The following SIPA1L1 variants were observed in gnomAD, a reference collection of about 807,000 sequenced individuals.
SIPA1L1 encodes the protein signal induced proliferation associated 1 like 1, also known as signal-induced proliferation-associated 1-like protein 1.
Under a neutral mutation model 162.7 loss-of-function variants are expected in SIPA1L1, and 26 were observed. That is an observed-to-expected ratio of 0.16 (90% confidence interval 0.12 to 0.22). SIPA1L1 has a LOEUF of 0.22. Ranked by LOEUF, SIPA1L1 falls within the 10% of genes least tolerant of loss-of-function variation. The pLI is 1.00. For missense variants in SIPA1L1, 1,874 were observed against 2,241.0 expected, an observed-to-expected ratio of 0.84 and a Z score of 3.31; for synonymous variants, 829 against 837.4, an observed-to-expected ratio of 0.99 and a Z score of 0.17.
chr14:71,639,735 C>A (rs543437412), intron 7 of SIPA1L1, among the ~76,000 whole-genome samples: 5 of 152,100 alleles, frequency 3.3e-5, no homozygotes, highest in Non-Finnish European at 5.9e-5. Context: ...ACATGTGGAT[C>A]GGTGGAACAG....
At chr14:71,519,338 G>A (rs548857672) in intron 3 of SIPA1L1, among the ~76,000 whole-genome samples, 1 of 152,192 alleles carries the variant, frequency 6.6e-6, no homozygotes, top group African/African-American at 2.4e-5. Context: ...TCCTATGGAT[G>A]TAGATATATG....
chr14:71,323,879 A>G (rs943793982), intron 2 of SIPA1L1, among the ~76,000 whole-genome samples: 30 of 152,308 alleles, frequency 2.0e-4, no homozygotes, highest in African/African-American at 6.7e-4. Flanking sequence ...ATTTTCTGGC[A>G]TGGAGTTATG....
chr14:71,611,515 TAA>T (rs888950565), intron 5 of SIPA1L1, among the ~76,000 whole-genome samples: 6 of 152,172 alleles, frequency 3.9e-5, no homozygotes, highest in Non-Finnish European at 8.8e-5. Context: ...ATCTAGGTTT[TAA>T]GCCCCATATG....
intron 2 of SIPA1L1, among the ~76,000 whole-genome samples, chr14:71,447,941 C>T (rs943525956): frequency 4.6e-5 from 7 of 152,088 alleles, no homozygotes; most frequent in African/African-American, 1.7e-4. Flanking sequence ...ACTAATGGCT[C>T]ATTGTGAAAG....
intron 13 of SIPA1L1, among the ~76,000 whole-genome samples, chr14:71,687,500 G>C (rs2080956688): frequency 6.6e-6 from 1 of 152,094 alleles, no homozygotes; most frequent in South Asian, 2.1e-4. Context: ...AGTGAAATTG[G>C]CTTTGTGTAA....
At chr14:71,491,812 A>ACGCACACACACACC (rs1555437349) in intron 2 of SIPA1L1, among the ~76,000 whole-genome samples, 2 of 115,986 alleles carry the variant, frequency 1.7e-5, no homozygotes, top group African/African-American at 6.7e-5. Flanking sequence ...ACACACACAC[A>ACGCACACACACACC]CCCCTTCCCC....
intron 13 of SIPA1L1, among the ~76,000 whole-genome samples, chr14:71,689,171 A>G (rs1373073926): frequency 6.6e-6 from 1 of 152,236 alleles, no homozygotes; most frequent in African/African-American, 2.4e-5. Flanking sequence ...ATGACATAAA[A>G]ATGTTGGTGT....
At chr14:71,557,611 C>G (rs559166426) in intron 4 of SIPA1L1, among the ~76,000 whole-genome samples, 1 of 151,936 alleles carries the variant, frequency 6.6e-6, no homozygotes, top group South Asian at 2.1e-4. Context: ...TGGATCGTTG[C>G]GAAAGTACCT....
intron 2 of SIPA1L1, among the ~76,000 whole-genome samples, chr14:71,351,643 A>T (rs1321353442): frequency 6.6e-6 from 1 of 152,176 alleles, no homozygotes; most frequent in East Asian, 1.9e-4. Context: ...TCAGAACCTG[A>T]TCTGGAACTT....
At chr14:71,727,452 T>C (rs868072415) in intron 19 of SIPA1L1, among the ~76,000 whole-genome samples, 3 of 148,596 alleles carry the variant, frequency 2.0e-5, no homozygotes, top group Admixed American at 6.7e-5. Context: ...TTTTTTTTTT[T>C]AAATCACACA....
At chr14:71,521,049 C>T (rs537507315) in intron 3 of SIPA1L1, among the ~76,000 whole-genome samples, 15 of 152,282 alleles carry the variant, frequency 9.9e-5, no homozygotes, top group African/African-American at 3.6e-4. Context: ...CCAGTGTGCC[C>T]AGCCTAGCTT....
intron 2 of SIPA1L1, among the ~76,000 whole-genome samples, chr14:71,424,288 G>A (rs1340936262): frequency 6.6e-6 from 1 of 151,992 alleles, no homozygotes; most frequent in Non-Finnish European, 1.5e-5. Context: ...TAAATGCTCT[G>A]GTGGAACTTC....
intron 10 of SIPA1L1, among the ~76,000 whole-genome samples, chr14:71,664,662 T>C (rs1488602957): frequency 6.6e-6 from 1 of 152,234 alleles, no homozygotes; most frequent in Non-Finnish European, 1.5e-5. Context: ...ATTCATTCTT[T>C]CTATTTTTTG....
In SIPA1L1 at chr14:71,618,745, A is replaced by G. The variant is rs1567324431; in HGVS notation, c.1499-12A>G. The G allele has an allele frequency of 1.2e-6, 2 of 1,609,822 alleles. No homozygotes were observed. Among genetic ancestry groups the G allele is most frequent in the East Asian group, 2.2e-5 (1 of 44,796 alleles). ...AGATTTTCTAACTTTGTTTTGTCTT[A>G]TTTTACCTAAGAACACTGGAACTAT... On this transcript the variant is annotated splice_polypyrimidine_tract_variant and intron_variant, in intron 5 of 23. Transcript: ENST00000381232.
intron 5 of SIPA1L1, among the ~76,000 whole-genome samples, chr14:71,607,928 A>T (rs778979241): frequency 6.6e-6 from 1 of 152,178 alleles, no homozygotes; most frequent in African/African-American, 2.4e-5. Flanking sequence ...GTACAAGTTG[A>T]TGACACACAT....
intron 7 of SIPA1L1, among the ~76,000 whole-genome samples, chr14:71,636,264 A>G (rs191892730): frequency 5.3e-5 from 8 of 152,358 alleles, no homozygotes; most frequent in East Asian, 3.9e-4. Flanking sequence ...TCAGTTGCAC[A>G]TGGAATGTAT....
At position 71,702,430 on chromosome 14, in the gene SIPA1L1, C is replaced by G; in HGVS notation, c.3571C>G (p.Gln1191Glu). 1 of 1,614,150 alleles carries G rather than the reference C, an allele frequency of 6.2e-7. No individual in the cohort carries two copies. Among genetic ancestry groups the G allele is most frequent in the Admixed American group, 1.7e-5 (1 of 60,030 alleles). Residue 1191 changes from glutamine to glutamate, a missense_variant, in exon 15 of 24, where the codon CAG (glutamine) becomes GAG (glutamate). Transcript: ENST00000381232. ...SPASIDRQNT[Q>E]SDIGGSGKST... Reference sequence around the variant, plus strand: ...AGCCTCCATTGACAGGCAGAACACCCAGTCAGATATTGGTGGCAGCGGAAA... The same window carrying G: ...AGCCTCCATTGACAGGCAGAACACCGAGTCAGATATTGGTGGCAGCGGAAA...
chr14:71,547,372 C>T (rs2055329927), intron 4 of SIPA1L1, among the ~76,000 whole-genome samples: 2 of 145,508 alleles, frequency 1.4e-5, no homozygotes, highest in African/African-American at 5.1e-5. Context: ...CGGCTTACTG[C>T]AACCTCCACC....
At chr14:71,627,320 C>T (rs1445055561) in intron 7 of SIPA1L1, among the ~76,000 whole-genome samples, 2 of 151,612 alleles carry the variant, frequency 1.3e-5, no homozygotes, top group Non-Finnish European at 2.9e-5. Context: ...CTAATTTTTG[C>T]ATATTTAGTA....
Sources: allele counts gnomAD v4.1 joint callset (sites outside exome capture counted in the v4.1 genomes callset), GRCh38; gene constraint gnomAD v4.1.1; transcripts MANE v1.5; gene names NCBI Gene and HGNC (gene_info 2026-07-23, HGNC 2026-07-21).